Variants in ADGRE3 observed in about 807,000 individuals in gnomAD.
ADGRE3 encodes EGF-like module receptor 3.
Under a neutral mutation model 80.1 loss-of-function variants are expected in ADGRE3, and 88 were observed. The ratio of observed to expected loss-of-function variants is 1.10; its 90% CI spans 0.93 to 1.31. The LOEUF is 1.31. Ranked by LOEUF, ADGRE3 falls within the 40% of genes most tolerant of loss-of-function variation. The pLI is 0.00. For synonymous variants in ADGRE3, 281 were observed against 294.8 expected (o/e 0.95, Z 0.48); for missense variants, 715 against 776.5 (o/e 0.92, Z 0.94).
rs1486503765 is a variant in ADGRE3, at chr19:14,638,328, T to C, written c.1261A>G (p.Ile421Val). The change falls in exon 11 of 16, where the codon ATC (isoleucine) becomes GTC (valine). Residue 421 changes from isoleucine (I) to valine (V), a missense_variant. By Grantham distance (29) the Ile-to-Val change is conservative (BLOSUM62 3). Coordinates refer to ENST00000253673, the MANE Select transcript of ADGRE3 (RefSeq NM_032571.5). ...AGATAGTGCAAAGCACCGGCGATGA[T>C]GGAGCACAGCACCTGGGGGAGGAGA... ...DRTEPKVLCSIIAGALHYLYL... is the reference protein window; with the variant it reads ...DRTEPKVLCSVIAGALHYLYL... The C allele has an allele frequency of 1.9e-6, 3 of 1,614,008 alleles. No individual in the cohort carries two copies. The highest frequency in any genetic ancestry group is 2.2e-5 in the South Asian group (2 of 91,082).
At position 14,630,090 on chromosome 19, in the gene ADGRE3, G is replaced by A; in HGVS notation, c.1761C>T (p.Asn587=). 1 of 1,612,456 alleles carries A rather than the reference G, an allele frequency of 6.2e-7. No individual in the cohort carries two copies. Among genetic ancestry groups the A allele is most frequent in the East Asian group, 2.2e-5 (1 of 44,872 alleles). ...QVMAYLFTII[N]SLQGFFIFLV... ...AGAAGATGAAGAAGCCTTGGAGGCT[G>A]TTGATGATGGTGAAGAGGTAGGCCA... Residue 587 remains asparagine, a synonymous_variant, in exon 14 of 16, where the codon AAC becomes AAT. Transcript: ENST00000253673.
rs1288396434 is a variant in ADGRE3 at position 14,633,704 on chromosome 19, C to CAAAAA, written c.1485-407_1485-403dup. Among the ~76,000 whole-genome samples, 112 of 73,404 alleles carry CAAAAA rather than the reference C, an allele frequency of 1.5e-3. 1 individual carries two copies. Among genetic ancestry groups the CAAAAA allele is most frequent in the African/African-American group, 2.8e-3 (55 of 19,486 alleles). The allele number at this position is 73,404 out of a possible 152,430, so 48.2% of individuals were successfully genotyped here. A position where few individuals can be genotyped will look rare whatever the true frequency, so the allele number is the denominator to read the frequency against. Reference sequence around the variant, plus strand: ...TGGGCGACAGACTGAGACTCCGTCTCAAAAAAAATAAAATAAAATAAAATA... The same window carrying CAAAAA: ...TGGGCGACAGACTGAGACTCCGTCTCAAAAAAAAAAAAATAAAATAAAATAAAATA... On this transcript the variant is annotated intron_variant, in intron 11 of 15. Transcript: ENST00000253673.
chr19:14,669,106 G>A (rs993681620), intron 1 of ADGRE3, among the ~76,000 whole-genome samples: 1 of 152,064 alleles, frequency 6.6e-6, no homozygotes, highest in Non-Finnish European at 1.5e-5. Flanking sequence ...AAAGACACCT[G>A]CACTCATACA....
At chr19:14,660,186 G>A (rs1459840678) in intron 4 of ADGRE3, among the ~76,000 whole-genome samples, 5 of 152,096 alleles carry the variant, frequency 3.3e-5, no homozygotes, top group African/African-American at 7.2e-5. Context: ...ATAAAAGGAC[G>A]GTGCAGACCT....
At chr19:14,608,842 C>T in the ADGRE3 span, among the ~76,000 whole-genome samples, 25 of 150,990 alleles carry the variant, frequency 1.7e-4, no homozygotes, top group African/African-American at 4.6e-4. Context: ...CTCTGTGGCC[C>T]GAGCTGTAGT....
chr19:14,629,025 T>G (rs977552893), intron 14 of ADGRE3, among the ~76,000 whole-genome samples: 5 of 151,862 alleles, frequency 3.3e-5, no homozygotes, highest in Admixed American at 6.6e-5. Flanking sequence ...TGGGTTCAAG[T>G]GATTATCCTG....
chr19:14,610,464 C>G, the ADGRE3 span: 2 of 464,726 alleles, frequency 4.3e-6, no homozygotes, highest in South Asian at 4.6e-5. Context: ...TTGAAAGGAT[C>G]TTCACTAAGT....
intron 13 of ADGRE3, among the ~76,000 whole-genome samples, chr19:14,632,480 T>C (rs1211565539): frequency 6.6e-6 from 1 of 152,156 alleles, no homozygotes; most frequent in Non-Finnish European, 1.5e-5. Flanking sequence ...GGTGTTATCA[T>C]GTGACAAAGA....
the ADGRE3 span, among the ~76,000 whole-genome samples, chr19:14,602,854 A>G: frequency 3.3e-5 from 5 of 150,746 alleles, no homozygotes; most frequent in African/African-American, 9.7e-5. Flanking sequence ...TCCCGCCTCA[A>G]CCTCCCGAGT....
At chr19:14,628,664 T>G in intron 14 of ADGRE3, 1 of 373,280 alleles carries the variant, frequency 2.7e-6, no homozygotes, top group South Asian at 2.3e-5. Flanking sequence ...TGCCCACTGC[T>G]GTTCCATGGT....
At chr19:14,650,967 T>C (rs1158640425) in intron 7 of ADGRE3, 118 bp downstream of exon 7, 17 of 1,014,358 alleles carry the variant, frequency 1.7e-5, no homozygotes, top group Middle Eastern at 2.6e-4. Context: ...AAATCTCCAA[T>C]ATCGTAGTTT....
At chr19:14,606,979 A>G in the ADGRE3 span, 376,647 of 1,257,478 alleles carry the variant, frequency 0.3, 58,615 homozygotes, top group African/African-American at 0.52. Flanking sequence ...GCTGAATGGA[A>G]TTTTTATTTG....
rs140159580 is a variant in ADGRE3, at chr19:14,647,180, C to T, written c.882+1G>A. On this transcript the variant is annotated splice_donor_variant, in intron 8 of 15. Coordinates refer to ENST00000253673, the MANE Select transcript of ADGRE3 (RefSeq NM_032571.5). LOFTEE classifies it high-confidence loss of function. ...AAGCTCAAATCATACCTGTGACCCA[C>T]CTTCACGTGCTGGAAAGTCAGCGTC... is the stretch of plus-strand genomic sequence containing the variant. 1.1e-4 allele frequency: 178 copies of T among 1,613,302 alleles called. No individual in the cohort carries two copies. The highest frequency in any genetic ancestry group is 1.5e-4 in the Non-Finnish European group (175 of 1,179,502).
intron 4 of ADGRE3, among the ~76,000 whole-genome samples, chr19:14,660,625 TAA>T (rs34250356): frequency 6.9e-6 from 1 of 145,340 alleles, no homozygotes. Context: ...CCCCATCTCT[TAA>T]AAAAAAAAAA....
At chr19:14,658,232 T>A (rs541213441) in intron 5 of ADGRE3, among the ~76,000 whole-genome samples, 3 of 151,818 alleles carry the variant, frequency 2.0e-5, no homozygotes, top group African/African-American at 7.2e-5. Context: ...TCTGTATCTA[T>A]CTATCTATAG....
the ADGRE3 span, chr19:14,600,228 G>A: frequency 6.2e-7 from 1 of 1,601,084 alleles, no homozygotes; most frequent in East Asian, 2.2e-5. Flanking sequence ...GGGACAGCCT[G>A]CTTCTCTTCC....
At chr19:14,669,652 C>A (rs1187050772) in intron 1 of ADGRE3, among the ~76,000 whole-genome samples, 1 of 152,048 alleles carries the variant, frequency 6.6e-6, no homozygotes, top group Non-Finnish European at 1.5e-5. Flanking sequence ...CCACACCTGG[C>A]TAATTTTTGT....
At chr19:14,634,004 A>G (rs1381464328) in intron 11 of ADGRE3, among the ~76,000 whole-genome samples, 1 of 151,976 alleles carries the variant, frequency 6.6e-6, no homozygotes, top group African/African-American at 2.4e-5. Context: ...TTTGAACTCC[A>G]GACCTCAAGT....
intron 1 of ADGRE3, among the ~76,000 whole-genome samples, chr19:14,671,823 G>A (rs1277020815): frequency 2.0e-5 from 3 of 151,324 alleles, no homozygotes; most frequent in African/African-American, 7.3e-5. Flanking sequence ...TTCTTTTTCT[G>A]TTGCCCCGGT....
Sources: gnomAD v4.1 joint callset for allele counts (sites outside exome capture counted in the v4.1 genomes callset) on GRCh38, gnomAD v4.1.1 for gene constraint, MANE v1.5 for transcripts, NCBI Gene and HGNC (gene_info 2026-07-23, HGNC 2026-07-21) for gene names.